Variants in COL2A1 observed in about 807,000 individuals in gnomAD.
The protein encoded by COL2A1 is collagen type II alpha 1 chain, also known as collagen alpha-1(II) chain.
Under a neutral mutation model 204.5 loss-of-function variants are expected in COL2A1, and 28 were observed. The ratio of observed to expected loss-of-function variants is 0.14; its 90% CI spans 0.10 to 0.19. The LOEUF (loss-of-function observed/expected upper bound fraction) is 0.19. COL2A1 is among the 10% of genes least tolerant of loss of function. The probability of loss-of-function intolerance (pLI) is 1.00; values close to 1 mark genes in which losing one functional copy is unlikely to be tolerated. For synonymous variants in COL2A1, 708 were observed against 718.7 expected, an observed-to-expected ratio of 0.99 and a Z score of 0.24; for missense variants, 1,388 against 2,027.5, an observed-to-expected ratio of 0.68 and a Z score of 6.06.
Position 47,987,523 on chromosome 12 carries a change from C to T in COL2A1, c.1221+88G>A. 8.0e-7 allele frequency: 1 copy of T among 1,254,258 alleles called. No homozygotes were observed. The highest frequency in any genetic ancestry group is 1.1e-6 in the Non-Finnish European group (1 of 876,034). 77.7% of individuals were successfully genotyped at this position (1,254,258 alleles called of 1,614,324 possible). On this transcript the variant is annotated intron_variant, in intron 19 of 53. Transcript: ENST00000380518. The surrounding 1 kb of genome is among the most constrained non-coding windows in gnomAD (Gnocchi z 4.1). ...CAGAATGAAGGTTTGGTGGTTGGAG[C>T]CCACAACTGTCAGAGCAAAGTACAG...
In COL2A1 at chr12:47,977,996, G is replaced by A. The variant is rs1938817489; in HGVS notation, c.3111+14C>T. ...TCCCCAATCAGGGCCACCCCAGGGGGTCTCACTGCTCACCTCTCGTCCAGG... is the reference window on the plus strand; with the variant it reads ...TCCCCAATCAGGGCCACCCCAGGGGATCTCACTGCTCACCTCTCGTCCAGG... On this transcript the variant is annotated intron_variant, in intron 44 of 53. Coordinates refer to ENST00000380518, the MANE Select transcript of COL2A1 (RefSeq NM_001844.5). 1.2e-6 allele frequency: 2 copies of A among 1,610,526 alleles called. No homozygotes were observed. The highest frequency in any genetic ancestry group is 8.5e-7 in the Non-Finnish European group (1 of 1,177,724).
At position 47,982,163 on chromosome 12, in the gene COL2A1, G is replaced by A. The variant is rs895256869; in HGVS notation, c.2302-3C>T. The A allele has an allele frequency of 7.6e-5, 122 of 1,613,580 alleles. No homozygotes were observed. Among genetic ancestry groups the A allele is most frequent in the Non-Finnish European group, 9.9e-5 (117 of 1,179,716 alleles). ...GGGCCTTTCTCACCAACGTCACCCT[G>A]AGGGAAGAGAAAACCAGCCGCCTCA... is the stretch of plus-strand genomic sequence containing the variant. On this transcript the variant is annotated splice_polypyrimidine_tract_variant and splice_region_variant and intron_variant, in intron 34 of 53. Transcript: ENST00000380518.
intron 1 of COL2A1, 120 bp downstream of exon 1, chr12:48,004,117 C>T (rs1161472819): frequency 2.7e-6 from 2 of 747,698 alleles, no homozygotes; most frequent in Non-Finnish European, 4.8e-6. Context: ...CGGCGCGCTA[C>T]GACCCCGGGA....
At chr12:48,006,208 TCTA>T (rs1423128809), upstream of COL2A1, 1 of 152,198 alleles carries the variant, frequency 6.6e-6, no homozygotes, top group East Asian at 1.9e-4. Context: ...TCCTATATTC[TCTA>T]CCTGGAAGAT....
chr12:47,994,847 G>T lies in COL2A1; in HGVS notation c.763-370C>A, dbSNP rs115437141. ...GTGCCAATTCTTGTCTCTTCATTTC[G>T]TTTGCATCCTTTGTAGACATCCTGA... On this transcript the variant is annotated intron_variant, in intron 11 of 53. Transcript: ENST00000380518. 6.2e-3 allele frequency among the ~76,000 whole-genome samples: 945 copies of T among 152,252 alleles called. 6 individuals are homozygous for T. The highest frequency in any genetic ancestry group is 0.021 in the African/African-American group (890 of 41,526).
chr12:47,984,872 A>T (rs1270114910), intron 27 of COL2A1, 123 bp downstream of exon 27: 1 of 879,916 alleles, frequency 1.1e-6, no homozygotes, highest in Non-Finnish European at 1.9e-6. Context: ...CACCCATGGC[A>T]CAGGAGCCCC....
chr12:47,976,860 C>T lies in COL2A1; in HGVS notation c.3387G>A (p.Leu1129=). ...GEAGEPGERG[L]KGHRGFTGLQ... ...GACCAGTGAAGCCACGGTGTCCCTT[C>T]AGGCCTCTCTCGCCAGGCTCTCCAG... Residue 1129 remains leucine (L), a synonymous_variant, in exon 48 of 54, where the codon CTG becomes CTA. Coordinates refer to ENST00000380518, the MANE Select transcript of COL2A1 (RefSeq NM_001844.5). The surrounding 1 kb of genome is among the most constrained non-coding windows in gnomAD (Gnocchi z 4.3). 2 of 1,613,258 alleles carry T rather than the reference C, an allele frequency of 1.2e-6. No individual in the cohort carries two copies. Among genetic ancestry groups the T allele is most frequent in the Non-Finnish European group, 1.7e-6 (2 of 1,179,708 alleles).
At chr12:47,999,058 A>G (rs1940103495) in intron 2 of COL2A1, among the ~76,000 whole-genome samples, 2 of 152,190 alleles carry the variant, frequency 1.3e-5, no homozygotes, top group Admixed American at 1.3e-4. Flanking sequence ...TTAGGGAGCC[A>G]GTGTTGGTGA....
chr12:47,983,605 C>A, intron 30 of COL2A1, 78 bp downstream of exon 30: 1 of 1,519,430 alleles, frequency 6.6e-7, no homozygotes, highest in African/African-American at 1.4e-5. Flanking sequence ...GGGCCCTCCA[C>A]CGATAGTGCC....
intron 2 of COL2A1, 168 bp downstream of exon 2, chr12:47,999,751 A>G: frequency 1.6e-6 from 1 of 618,096 alleles, no homozygotes; most frequent in Admixed American, 2.5e-5. Flanking sequence ...TCGTTCACTC[A>G]GTTTCAACCT....
At chr12:47,982,739 G>T in intron 33 of COL2A1, 109 bp downstream of exon 33, 1 of 1,282,770 alleles carries the variant, frequency 7.8e-7, no homozygotes, top group Non-Finnish European at 1.1e-6. Flanking sequence ...CTCCTTTCCA[G>T]CTCCCCCCAC....
chr12:47,981,456 G>A lies in COL2A1; in HGVS notation c.2410-60C>T, dbSNP rs1198387656. On this transcript the variant is annotated intron_variant, in intron 36 of 53. Coordinates refer to ENST00000380518, the MANE Select transcript of COL2A1 (RefSeq NM_001844.5). Reference sequence around the variant, plus strand: ...GAAGGTGGGGAGGCAGAGTGGGAGAGGGCAAAGTGCATTTGGGGGGCCTTG... The same window carrying A: ...GAAGGTGGGGAGGCAGAGTGGGAGAAGGCAAAGTGCATTTGGGGGGCCTTG... The A allele has an allele frequency of 4.7e-6, 7 of 1,481,998 alleles. No individual in the cohort carries two copies. The Admixed American group carries it at 1.3e-4, about 28-fold the overall frequency. 91.8% of individuals were successfully genotyped at this position (1,481,998 alleles called of 1,614,324 possible).
chr12:47,975,982 G>A lies in COL2A1; in HGVS notation c.3578C>T (p.Ser1193Leu), dbSNP rs755514365. Residue 1193 changes from serine (S) to leucine (L), a missense_variant, in exon 50 of 54, where the codon TCA becomes TTA. Physicochemically the swap from Ser to Leu is moderately radical, Grantham distance 145. Around this residue, in one of 3 missense-constraint regions of COL2A1, gnomAD observed 884 missense variants for 1,415.8 expected, o/e 0.62. Coordinates refer to ENST00000380518, the MANE Select transcript of COL2A1 (RefSeq NM_001844.5). ...PIGPPGPRGR[S>L]GETGPAGPPG... ...ACTTACAGCAGGGCCGGTTTCGCCT[G>A]ATCGTCCACGGGGACCAGGAGGCCC... 2 of 1,613,840 alleles carry A rather than the reference G, an allele frequency of 1.2e-6. No individual in the cohort carries two copies. The highest frequency in any genetic ancestry group is 4.5e-5 in the East Asian group (2 of 44,872).
At position 48,004,092 on chromosome 12, in the gene COL2A1, G is replaced by A. The variant is rs766045964; in HGVS notation, c.85+145C>T. ...AACTCTTCTTGGTGAACTTCTGCGT[G>A]TCCTGTGCCTAAGTCGGCGCGCTAC... On this transcript the variant is annotated intron_variant, in intron 1 of 53. Coordinates refer to ENST00000380518, the MANE Select transcript of COL2A1 (RefSeq NM_001844.5). 7.4e-6 allele frequency: 5 copies of A among 677,248 alleles called. No individual in the cohort carries two copies. The South Asian group carries it at 8.1e-5, about 11-fold the overall frequency. 42.0% of individuals were successfully genotyped at this position (677,248 alleles called of 1,614,324 possible). A position where few individuals can be genotyped will look rare whatever the true frequency, so the allele number is the denominator to read the frequency against.
Position 47,979,491 on chromosome 12 carries a change from A to G in COL2A1, c.2733+20T>C, listed in dbSNP as rs1938916287. 1.2e-6 allele frequency: 2 copies of G among 1,612,386 alleles called. No homozygotes were observed. The highest frequency in any genetic ancestry group is 2.2e-5 in the East Asian group (1 of 44,840). On this transcript the variant is annotated intron_variant, in intron 41 of 53. Transcript: ENST00000380518. ...TATTCCATGCCTGCCTGTGCCTCTCATGCCAGGAGCATCACTTACATTGGA... is the reference window on the plus strand; with the variant it reads ...TATTCCATGCCTGCCTGTGCCTCTCGTGCCAGGAGCATCACTTACATTGGA...
In COL2A1 at chr12:47,999,655, T is replaced by TTTTTTTTTA. The variant is rs1940138084; in HGVS notation, c.292+263_292+264insTAAAAAAAA. On this transcript the variant is annotated intron_variant, in intron 2 of 53. Coordinates refer to ENST00000380518, the MANE Select transcript of COL2A1 (RefSeq NM_001844.5). ...GAGGATTTTTTTTTTTTTTTTTTTG[T>TTTTTTTTTA]AGAATCACATCTGTCCTTCATGTGT... The TTTTTTTTTA allele has an allele frequency of 2.7e-5, 5 of 185,764 alleles. 2 individuals carry two copies. Among genetic ancestry groups the TTTTTTTTTA allele is most frequent in the Non-Finnish European group, 5.5e-5 (5 of 90,700 alleles). The allele number at this position is 185,764 out of a possible 1,614,324, so 11.5% of individuals were successfully genotyped here.
chr12:47,980,512 C>T lies in COL2A1; in HGVS notation c.2625+42G>A. 1 of 1,528,876 alleles carries T rather than the reference C, an allele frequency of 6.5e-7. No individual in the cohort carries two copies. The highest frequency in any genetic ancestry group is 8.9e-7 in the Non-Finnish European group (1 of 1,121,230). The allele number at this position is 1,528,876 out of a possible 1,614,324, so 94.7% of individuals were successfully genotyped here. A position where few individuals can be genotyped will look rare whatever the true frequency, so the allele number is the denominator to read the frequency against. ...GCCTTCCCATCTGCACGCCAGGAGCCCTTCCTTGAGGGAACAATTCTTGGA... is the reference window on the plus strand; with the variant it reads ...GCCTTCCCATCTGCACGCCAGGAGCTCTTCCTTGAGGGAACAATTCTTGGA... On this transcript the variant is annotated intron_variant, in intron 39 of 53. Transcript: ENST00000380518. The surrounding 1 kb of genome is among the most constrained non-coding windows in gnomAD (Gnocchi z 4.5).
intron 44 of COL2A1, 128 bp from the exon 45 acceptor site, chr12:47,977,781 A>G: frequency 1.6e-5 from 18 of 1,141,602 alleles, no homozygotes; most frequent in Non-Finnish European, 2.3e-5. Flanking sequence ...TTGAAGCCAA[A>G]GTTTCCTCAC....
In COL2A1 at chr12:47,980,236, C is replaced by G. The variant is rs1257633174; in HGVS notation, c.2626-174G>C. On this transcript the variant is annotated intron_variant, in intron 39 of 53. Transcript: ENST00000380518. The surrounding 1 kb of genome is among the most constrained non-coding windows in gnomAD (Gnocchi z 4.5). ...GCTCTGTCCCCTCTGCCACAGGAGA[C>G]TTGTGTTCTAGGAGAAGCCTGTCAG... Among the ~76,000 whole-genome samples the G allele has an allele frequency of 6.6e-6, 1 of 152,218 alleles. No individual in the cohort carries two copies. The highest frequency in any genetic ancestry group is 2.4e-5 in the African/African-American group (1 of 41,452).
Sources: gnomAD v4.1 joint callset for allele counts (sites outside exome capture counted in the v4.1 genomes callset) on GRCh38, gnomAD v4.1.1 for gene constraint, gnomAD v4.1.1 regional missense constraint, Gnocchi (gnomAD v3.1) non-coding constraint, MANE v1.5 for transcripts, NCBI Gene and HGNC (gene_info 2026-07-23, HGNC 2026-07-21) for gene names.